The following ASTN1 variants were observed in gnomAD, a reference collection of about 807,000 sequenced individuals.
ASTN1 encodes astrotactin-1.
A neutral mutation model predicts 140.7 loss-of-function variants in ASTN1; 41 were observed. The observed-to-expected ratio is 0.29, with a 90% CI of 0.23 to 0.38. ASTN1 has a LOEUF of 0.38. Among genes scored for constraint, ASTN1 ranks in the 10% least tolerant of loss-of-function variants. The pLI is 1.00. For synonymous variants in ASTN1, 640 were observed against 652.2 expected (o/e 0.98, Z 0.29); for missense variants, 1,479 against 1,678.8 (o/e 0.88, Z 2.08).
At chr1:177,105,997 T>G (rs1680529421) in intron 1 of ASTN1, among the ~76,000 whole-genome samples, 1 of 152,054 alleles carries the variant, frequency 6.6e-6, no homozygotes, top group Non-Finnish European at 1.5e-5. Flanking sequence ...CCCCATCTCT[T>G]AAAAACAAAA....
chr1:176,979,767 T>C (rs1673526237), intron 8 of ASTN1, among the ~76,000 whole-genome samples: 1 of 152,050 alleles, frequency 6.6e-6, no homozygotes, highest in Admixed American at 6.6e-5. Context: ...AGCAGAAGTG[T>C]GTGATATTAG....
chr1:177,091,342 T>A (rs1303860894), intron 1 of ASTN1, among the ~76,000 whole-genome samples: 1 of 152,206 alleles, frequency 6.6e-6, no homozygotes, highest in African/African-American at 2.4e-5. Context: ...ATTATTTTTA[T>A]AGGGCTGTTA....
rs189022953 is a variant in ASTN1 at position 177,122,618 on chromosome 1, G to A, written c.283+41776C>T. ...CTCACAAGACTAGGGCGACAGTCCC[G>A]TCCTGGCAACCTGGCTGCTCTTGTC... On this transcript the variant is annotated intron_variant, in intron 1 of 22. Transcript: ENST00000361833. Among the ~76,000 whole-genome samples, 264 of 152,232 alleles carry A rather than the reference G, an allele frequency of 1.7e-3. 3 individuals are homozygous for A. The highest frequency in any genetic ancestry group is 0.014 in the Middle Eastern group (4 of 294).
At chr1:177,082,375 C>G (rs1164251699) in intron 1 of ASTN1, among the ~76,000 whole-genome samples, 1 of 152,146 alleles carries the variant, frequency 6.6e-6, no homozygotes, top group African/African-American at 2.4e-5. Context: ...CCTTTCACCT[C>G]TAAAATGTCT....
intron 8 of ASTN1, among the ~76,000 whole-genome samples, chr1:176,969,340 C>T (rs1187083217): frequency 4.6e-5 from 7 of 152,102 alleles, no homozygotes; most frequent in Non-Finnish European, 8.8e-5. Context: ...GGCCCCTAGC[C>T]GTATGGGCCA....
At chr1:177,013,639 C>T (rs763688229) in intron 8 of ASTN1, among the ~76,000 whole-genome samples, 7 of 152,246 alleles carry the variant, frequency 4.6e-5, no homozygotes, top group South Asian at 2.1e-4. Context: ...TCCTCCATGG[C>T]GATGTCTGAA....
At position 176,861,506 on chromosome 1, in the gene ASTN1, C is replaced by A; in HGVS notation, c.*2778G>T. On this transcript the variant is annotated 3_prime_UTR_variant, in exon 23 of 23. Coordinates refer to ENST00000361833, the MANE Select transcript of ASTN1 (RefSeq NM_004319.3). ...CCTTTCTAGCCAGGATGGGTTCCTT[C>A]AGGTAAGCATTAGGAAAAGTCAGCA... 1.0e-6 allele frequency: 1 copy of A among 985,732 alleles called. No individual in the cohort carries two copies. Among genetic ancestry groups the A allele is most frequent in the East Asian group, 1.1e-4 (1 of 8,814 alleles). 61.1% of individuals were successfully genotyped at this position (985,732 alleles called of 1,614,324 possible). A position where few individuals can be genotyped will look rare whatever the true frequency, so the allele number is the denominator to read the frequency against.
intron 7 of ASTN1, among the ~76,000 whole-genome samples, chr1:177,022,140 C>G (rs1246223059): frequency 6.6e-6 from 1 of 152,158 alleles, no homozygotes; most frequent in East Asian, 1.9e-4. Context: ...CCAGAGGGAT[C>G]TAGTCATAGA....
chr1:176,923,250 C>T (rs760690), intron 16 of ASTN1, among the ~76,000 whole-genome samples: 89,733 of 152,042 alleles, frequency 0.59, 28,659 homozygotes, highest in African/African-American at 0.85. Context: ...AATCATTTGC[C>T]GAGTTTATAG....
intron 1 of ASTN1, among the ~76,000 whole-genome samples, chr1:177,118,123 A>G (rs1300001789): frequency 2.0e-5 from 3 of 152,184 alleles, no homozygotes; most frequent in Non-Finnish European, 4.4e-5. Context: ...TGGAAATAGG[A>G]CTTGTTCTTT....
intron 1 of ASTN1, among the ~76,000 whole-genome samples, chr1:177,086,458 CTAAAAA>C (rs1311165494): frequency 6.6e-6 from 1 of 151,966 alleles, no homozygotes; most frequent in African/African-American, 2.4e-5. Context: ...AATAATTAGC[CTAAAAA>C]TGTTCCTCTT....
intron 1 of ASTN1, among the ~76,000 whole-genome samples, chr1:177,133,536 A>G (rs1682037468): frequency 1.3e-5 from 2 of 152,194 alleles, no homozygotes; most frequent in South Asian, 4.1e-4. Context: ...CCAAGATGGT[A>G]AAAGCATCAT....
chr1:177,020,535 T>C (rs904946047), intron 7 of ASTN1, among the ~76,000 whole-genome samples: 1 of 152,210 alleles, frequency 6.6e-6, no homozygotes, highest in Non-Finnish European at 1.5e-5. Flanking sequence ...CTAAGAATGC[T>C]TGTGATTACA....
At chr1:176,981,186 T>C (rs1673595557) in intron 8 of ASTN1, among the ~76,000 whole-genome samples, 1 of 112,650 alleles carries the variant, frequency 8.9e-6, no homozygotes, top group Non-Finnish European at 1.6e-5. Flanking sequence ...AACTCCAGCC[T>C]GGGTGACAGA....
intron 1 of ASTN1, among the ~76,000 whole-genome samples, chr1:177,067,221 G>A (rs565590599): frequency 6.6e-6 from 1 of 152,066 alleles, no homozygotes; most frequent in African/African-American, 2.4e-5. Context: ...ACTCCTATGA[G>A]AGCCTTATAA....
rs532771651 is a variant in ASTN1 at position 176,958,219 on chromosome 1, C to T, written c.1736+126G>A. ...CCTGGCACAACATAGGGGGAATTTG[C>T]AGGCTGCCTGCCAATTTTTCCTTTT... On this transcript the variant is annotated intron_variant, in intron 10 of 22. Coordinates refer to ENST00000361833, the MANE Select transcript of ASTN1 (RefSeq NM_004319.3). 1.2e-5 allele frequency: 18 copies of T among 1,441,798 alleles called. No individual in the cohort carries two copies. The Admixed American group carries it at 2.8e-4, about 22-fold the overall frequency. The allele number at this position is 1,441,798 out of a possible 1,614,324, so 89.3% of individuals were successfully genotyped here.
chr1:176,924,004 T>C (rs1384973718), intron 16 of ASTN1, among the ~76,000 whole-genome samples: 1 of 152,166 alleles, frequency 6.6e-6, no homozygotes, highest in East Asian at 1.9e-4. Flanking sequence ...GGTAAATATA[T>C]GTCTTATACT....
At chr1:176,982,195 AG>A (rs1673649661) in intron 8 of ASTN1, among the ~76,000 whole-genome samples, 1 of 152,180 alleles carries the variant, frequency 6.6e-6, no homozygotes, top group Non-Finnish European at 1.5e-5. Context: ...TGTGAGTTAT[AG>A]GGTTTGTTAT....
intron 1 of ASTN1, among the ~76,000 whole-genome samples, chr1:177,114,148 A>T (rs1277294305): frequency 6.6e-6 from 1 of 152,186 alleles, no homozygotes; most frequent in Non-Finnish European, 1.5e-5. Context: ...TTGCTTCCTC[A>T]CTTTGAAATT....
Sources: gnomAD v4.1 joint callset for allele counts (sites outside exome capture counted in the v4.1 genomes callset) on GRCh38, gnomAD v4.1.1 for gene constraint, MANE v1.5 for transcripts, NCBI Gene and HGNC (gene_info 2026-07-23, HGNC 2026-07-21) for gene names.